The following VWA8 variants were observed in gnomAD, a reference collection of about 807,000 sequenced individuals.
The protein encoded by VWA8 is von Willebrand factor A domain containing 8, also known as von Willebrand factor A domain-containing protein 8.
VWA8 carries 221 observed loss-of-function variants against 241.5 expected under a neutral mutation model. The ratio of observed to expected loss-of-function variants is 0.91; its 90% CI spans 0.82 to 1.02. The LOEUF is 1.02. Ranked by LOEUF, VWA8 falls within the 50% of genes least tolerant of loss-of-function variation. The pLI is 0.00. For synonymous variants in VWA8, 852 were observed against 827.1 expected (o/e 1.03, Z -0.52); for missense variants, 2,322 against 2,328.7 (o/e 1.00, Z 0.06).
In VWA8 at chr13:41,725,614, G is replaced by A. The variant is rs527291610; in HGVS notation, c.2758+1580C>T. Among the ~76,000 whole-genome samples, 36 of 152,246 alleles carry A rather than the reference G, an allele frequency of 2.4e-4. 1 individual carries two copies. The South Asian group carries it at 7.3e-3, about 31-fold the overall frequency. On this transcript the variant is annotated intron_variant, in intron 24 of 44. Coordinates refer to ENST00000379310, the MANE Select transcript of VWA8 (RefSeq NM_015058.2). ...CTAAAGATCAATAAGAAGTGACAAG[G>A]ATGAATAGGGGTAGATGACAAAACA...
chr13:41,578,946 T>C (rs1203984172), intron 42 of VWA8, among the ~76,000 whole-genome samples: 1 of 152,216 alleles, frequency 6.6e-6, no homozygotes, highest in Non-Finnish European at 1.5e-5. Flanking sequence ...TTGGAAGTGT[T>C]GTTCATTTAG....
intron 14 of VWA8, among the ~76,000 whole-genome samples, chr13:41,820,676 A>C (rs17637844): frequency 0.065 from 9,841 of 152,216 alleles, 401 homozygotes; most frequent in East Asian, 0.12. Flanking sequence ...GTTCTGGAAA[A>C]AGAGGGAAGG....
intron 4 of VWA8, among the ~76,000 whole-genome samples, chr13:41,895,845 T>C (rs1476799307): frequency 6.6e-6 from 1 of 151,106 alleles, no homozygotes; most frequent in African/African-American, 2.4e-5. Context: ...TTTTTTTTTT[T>C]TTTTAGTTTT....
At chr13:41,788,591 C>T (rs1869312705) in intron 17 of VWA8, among the ~76,000 whole-genome samples, 3 of 152,184 alleles carry the variant, frequency 2.0e-5, no homozygotes, top group African/African-American at 7.2e-5. Flanking sequence ...CTGCTCATCT[C>T]TGAACTTTCG....
intron 19 of VWA8, among the ~76,000 whole-genome samples, chr13:41,781,046 G>A (rs2039280): frequency 0.013 from 2,004 of 152,186 alleles, 24 homozygotes; most frequent in Middle Eastern, 0.051. Flanking sequence ...CTGGACTACC[G>A]CAATAACCAC....
chr13:41,942,337 C>A (rs1270032378), intron 2 of VWA8, among the ~76,000 whole-genome samples: 1 of 152,174 alleles, frequency 6.6e-6, no homozygotes, highest in African/African-American at 2.4e-5. Context: ...ACCAGCTAAT[C>A]TATAAAAATC....
chr13:41,801,798 G>A (rs1371363443), intron 17 of VWA8, among the ~76,000 whole-genome samples: 1 of 152,216 alleles, frequency 6.6e-6, no homozygotes, highest in Non-Finnish European at 1.5e-5. Context: ...TAGTGCTAAA[G>A]AGCCCTAGCT....
At chr13:41,578,918 CT>C (rs1486517011) in intron 42 of VWA8, among the ~76,000 whole-genome samples, 1 of 152,116 alleles carries the variant, frequency 6.6e-6, no homozygotes, top group Non-Finnish European at 1.5e-5. Context: ...TTTAAATGCC[CT>C]TTTGCTATAT....
At chr13:41,953,017 G>A (rs774124448) in intron 1 of VWA8, among the ~76,000 whole-genome samples, 1 of 152,104 alleles carries the variant, frequency 6.6e-6, no homozygotes, top group Non-Finnish European at 1.5e-5. Flanking sequence ...ACCCATAATG[G>A]TGACCTGGCA....
At chr13:41,757,644 T>G (rs1218178748) in intron 21 of VWA8, among the ~76,000 whole-genome samples, 1 of 151,676 alleles carries the variant, frequency 6.6e-6, no homozygotes, top group Admixed American at 6.6e-5. Flanking sequence ...CATCTTTATG[T>G]CCATGGATAC....
intron 12 of VWA8, among the ~76,000 whole-genome samples, chr13:41,851,042 T>C (rs1000919223): frequency 1.3e-5 from 2 of 152,250 alleles, no homozygotes; most frequent in Admixed American, 6.5e-5. Context: ...TCAGGTCTAC[T>C]GTCTTCGCAA....
At chr13:41,842,575 T>C (rs1194151166) in intron 12 of VWA8, among the ~76,000 whole-genome samples, 1 of 152,208 alleles carries the variant, frequency 6.6e-6, no homozygotes, top group African/African-American at 2.4e-5. Flanking sequence ...GAACACAGAA[T>C]AAATTTCTCT....
intron 17 of VWA8, among the ~76,000 whole-genome samples, chr13:41,806,441 C>T (rs1870213352): frequency 2.6e-5 from 4 of 152,164 alleles, no homozygotes; most frequent in South Asian, 2.1e-4. Context: ...CAGTGGCTCA[C>T]GCCTGTAATC....
At chr13:41,915,671 C>T (rs1234255475) in intron 2 of VWA8, among the ~76,000 whole-genome samples, 3 of 152,046 alleles carry the variant, frequency 2.0e-5, no homozygotes, top group Non-Finnish European at 4.4e-5. Context: ...AAACTTTTAG[C>T]GAGGAAATCA....
chr13:41,888,692 T>A (rs1874665783), intron 5 of VWA8, among the ~76,000 whole-genome samples: 1 of 152,256 alleles, frequency 6.6e-6, no homozygotes, highest in Non-Finnish European at 1.5e-5. Context: ...CTTCTATCAT[T>A]ATTTATTTGT....
chr13:41,872,762 T>C (rs938550579), intron 9 of VWA8, among the ~76,000 whole-genome samples: 3 of 152,196 alleles, frequency 2.0e-5, no homozygotes, highest in South Asian at 2.1e-4. Context: ...CTTTGTTCTT[T>C]TGGCTTAGGA....
At chr13:41,753,294 A>G (rs1368406967) in intron 21 of VWA8, among the ~76,000 whole-genome samples, 1 of 152,130 alleles carries the variant, frequency 6.6e-6, no homozygotes, top group Non-Finnish European at 1.5e-5. Flanking sequence ...AAGGATAGCA[A>G]ATGAAAAAAA....
chr13:41,644,192 A>C (rs2044815611), intron 37 of VWA8, among the ~76,000 whole-genome samples: 1 of 151,900 alleles, frequency 6.6e-6, no homozygotes, highest in Admixed American at 6.6e-5. Flanking sequence ...CTTAGCTTGG[A>C]AGAACCCTTG....
chr13:41,620,071 T>C (rs895671326), intron 37 of VWA8, among the ~76,000 whole-genome samples: 19 of 152,180 alleles, frequency 1.2e-4, no homozygotes, highest in African/African-American at 3.1e-4. Context: ...GTACCTCTAG[T>C]AGAATTTGCT....
Sources: allele counts gnomAD v4.1 joint callset (sites outside exome capture counted in the v4.1 genomes callset), GRCh38; gene constraint gnomAD v4.1.1; transcripts MANE v1.5; gene names NCBI Gene and HGNC (gene_info 2026-07-23, HGNC 2026-07-21).